LRIG1: variants seen among roughly 807,000 people sequenced by gnomAD.
LRIG1 encodes the protein leucine-rich repeats and immunoglobulin-like domains protein 1.
Under a neutral mutation model 99.2 loss-of-function variants are expected in LRIG1, and 48 were observed. The ratio of observed to expected loss-of-function variants is 0.48; its 90% CI spans 0.38 to 0.62. LRIG1 has a LOEUF of 0.62. LRIG1 is among the 20% of genes least tolerant of loss of function. The pLI is 0.00. For missense variants in LRIG1, 1,646 were observed against 1,434.4 expected (o/e 1.15, Z -2.38); for synonymous variants, 772 against 596.1 (o/e 1.29, Z -4.30).
chr3:66,412,642 T>TGCCC (rs1481747872), intron 6 of LRIG1, among the ~76,000 whole-genome samples: 1 of 152,192 alleles, frequency 6.6e-6, no homozygotes, highest in Non-Finnish European at 1.5e-5. Flanking sequence ...TGGGCACTGG[T>TGCCC]GCCCCACTCC....
At chr3:66,385,259 C>A (rs542413295) in intron 13 of LRIG1, among the ~76,000 whole-genome samples, 1 of 152,230 alleles carries the variant, frequency 6.6e-6, no homozygotes, top group African/African-American at 2.4e-5. Flanking sequence ...CAGGCCAGGG[C>A]TCACACCAGC....
chr3:66,479,535 G>A (rs554782547), intron 1 of LRIG1, among the ~76,000 whole-genome samples: 1 of 152,288 alleles, frequency 6.6e-6, no homozygotes, highest in East Asian at 1.9e-4. Context: ...CCAACCAGGG[G>A]AATACCCCAA....
intron 3 of LRIG1, among the ~76,000 whole-genome samples, chr3:66,437,764 A>G (rs910968783): frequency 6.6e-6 from 1 of 152,126 alleles, no homozygotes; most frequent in Non-Finnish European, 1.5e-5. Context: ...CCAGCCCCAG[A>G]GGAGACAGAG....
chr3:66,481,235 T>A (rs140063204), intron 1 of LRIG1, among the ~76,000 whole-genome samples: 6 of 152,298 alleles, frequency 3.9e-5, no homozygotes, highest in African/African-American at 1.4e-4. Flanking sequence ...ATCAAAGAGA[T>A]TCCAGTTGCT....
intron 10 of LRIG1, among the ~76,000 whole-genome samples, chr3:66,398,589 A>C (rs796735741): frequency 6.6e-6 from 1 of 152,084 alleles, no homozygotes; most frequent in African/African-American, 2.4e-5. Flanking sequence ...CCCAGCACCT[A>C]CTCTGCATTG....
chr3:66,500,511 C>A lies in LRIG1; in HGVS notation c.-104G>T. ...GGGCGCTCCGCTCGGCTCTAGACTC[C>A]GCACCGGGGCATGGCCCCCGCCCCA... is the stretch of plus-strand genomic sequence containing the variant. On this transcript the variant is annotated 5_prime_UTR_variant, in exon 1 of 19. An upstream open reading frame in the 5' UTR gains an earlier in-frame stop. Coordinates refer to ENST00000273261, the MANE Select transcript of LRIG1 (RefSeq NM_015541.3). 1.8e-6 allele frequency: 1 copy of A among 551,530 alleles called. No individual in the cohort carries two copies. 34.2% of individuals were successfully genotyped at this position (551,530 alleles called of 1,614,324 possible).
intron 8 of LRIG1, chr3:66,406,263 A>G (rs915039010): frequency 2.0e-6 from 2 of 985,254 alleles, no homozygotes; most frequent in Non-Finnish European, 2.4e-6. Flanking sequence ...GTTCCTTCCT[A>G]TCATCTGCAT....
chr3:66,418,204 G>A, intron 3 of LRIG1, among the ~76,000 whole-genome samples: 1 of 152,070 alleles, frequency 6.6e-6, no homozygotes, highest in East Asian at 1.9e-4. Flanking sequence ...CGATTCTTCT[G>A]CCTCAGCCTC....
At chr3:66,432,844 G>A in intron 3 of LRIG1, among the ~76,000 whole-genome samples, 1 of 152,138 alleles carries the variant, frequency 6.6e-6, no homozygotes, top group East Asian at 1.9e-4. Flanking sequence ...CCATGTGACT[G>A]GAGCAGAGGC....
chr3:66,379,566 TCATTCTACGCCTTACAGACGGACA>T lies in LRIG1; in HGVS notation c.*673_*696del, dbSNP rs1370363449. On this transcript the variant is annotated 3_prime_UTR_variant, in exon 19 of 19. Coordinates refer to ENST00000273261, the MANE Select transcript of LRIG1 (RefSeq NM_015541.3). ...TTTGCTTGTGATGGATTAACAACCC[TCATTCTACGCCTTACAGACGGACA>T]GATTCTACGCCTTACAGACAGACAG... 2 of 151,992 alleles carry T rather than the reference TCATTCTACGCCTTACAGACGGACA, an allele frequency of 1.3e-5. No homozygotes were observed. The highest frequency in any genetic ancestry group is 2.9e-5 in the Non-Finnish European group (2 of 67,952). The allele number at this position is 151,992 out of a possible 1,614,324, so 9.4% of individuals were successfully genotyped here.
intron 1 of LRIG1, among the ~76,000 whole-genome samples, chr3:66,477,166 A>G (rs1042658219): frequency 2.0e-5 from 3 of 152,200 alleles, no homozygotes; most frequent in African/African-American, 7.2e-5. Flanking sequence ...ACTAACATTC[A>G]TCAAGGATCA....
intron 13 of LRIG1, 44 bp from the exon 14 acceptor site, chr3:66,384,316 A>C (rs1701257143): frequency 1.9e-6 from 3 of 1,575,556 alleles, no homozygotes; most frequent in Non-Finnish European, 1.7e-6. Context: ...GGACAGCTAG[A>C]TGCAAAACCA....
intron 1 of LRIG1, among the ~76,000 whole-genome samples, chr3:66,462,975 T>G (rs2095245491): frequency 6.6e-6 from 1 of 152,156 alleles, no homozygotes; most frequent in Non-Finnish European, 1.5e-5. Context: ...AGGGATGATT[T>G]TGCCCCCCAG....
chr3:66,398,338 G>A (rs1378452715), intron 10 of LRIG1, among the ~76,000 whole-genome samples, 155 bp from the exon 11 acceptor site: 3 of 152,168 alleles, frequency 2.0e-5, no homozygotes. Context: ...CGCAACACAA[G>A]CCCATGGAAT....
Position 66,452,322 on chromosome 3 carries a change from T to G in LRIG1, c.291-689A>C, listed in dbSNP as rs76543480. 3.0e-3 allele frequency among the ~76,000 whole-genome samples: 450 copies of G among 152,342 alleles called. 2 individuals carry two copies. The highest frequency in any genetic ancestry group is 0.013 in the East Asian group (70 of 5,188). On this transcript the variant is annotated intron_variant, in intron 2 of 18. Coordinates refer to ENST00000273261, the MANE Select transcript of LRIG1 (RefSeq NM_015541.3). ...AAAATAGTCCAAATATGTATTTCCA[T>G]AGTTAATATCTCTTAACGGAAGGGG...
At position 66,397,320 on chromosome 3, in the gene LRIG1, G is replaced by C. The variant is rs527296231; in HGVS notation, c.1304+792C>G. 8.7e-4 allele frequency among the ~76,000 whole-genome samples: 133 copies of C among 152,266 alleles called. 1 individual carries two copies. Among genetic ancestry groups the C allele is most frequent in the African/African-American group, 2.9e-3 (121 of 41,528 alleles). ...CCTCGGGGAATGGGGATGAGGTCAG[G>C]GCACAAAGATGACTGTCCTGTGGCA... On this transcript the variant is annotated intron_variant, in intron 11 of 18. Coordinates refer to ENST00000273261, the MANE Select transcript of LRIG1 (RefSeq NM_015541.3).
intron 3 of LRIG1, among the ~76,000 whole-genome samples, chr3:66,432,489 C>T (rs151230148): frequency 6.6e-6 from 1 of 152,138 alleles, no homozygotes; most frequent in African/African-American, 2.4e-5. Flanking sequence ...TAGTGCTTAC[C>T]AGTAGCTAGG....
chr3:66,467,904 A>G (rs1700511830), intron 1 of LRIG1, among the ~76,000 whole-genome samples: 1 of 152,196 alleles, frequency 6.6e-6, no homozygotes, highest in Admixed American at 6.5e-5. Context: ...CAATAACTCG[A>G]GAACTATGTA....
At chr3:66,472,962 A>G (rs547076317) in intron 1 of LRIG1, among the ~76,000 whole-genome samples, 6 of 152,088 alleles carry the variant, frequency 3.9e-5, no homozygotes, top group Non-Finnish European at 8.8e-5. Flanking sequence ...TAGTACAAAA[A>G]CCTCATGTTA....
Sources: allele counts gnomAD v4.1 joint callset (sites outside exome capture counted in the v4.1 genomes callset), GRCh38; gene constraint gnomAD v4.1.1; transcripts MANE v1.5; gene names NCBI Gene and HGNC (gene_info 2026-07-23, HGNC 2026-07-21).